The following TOMM20L variants were observed in gnomAD, a reference collection of about 807,000 sequenced individuals.
The protein encoded by TOMM20L is TOMM20-like protein 1.
Under a neutral mutation model 20.4 loss-of-function variants are expected in TOMM20L, and 19 were observed. The observed-to-expected ratio is 0.93, with a 90% confidence interval of 0.65 to 1.36. The LOEUF is 1.36. TOMM20L is among the 40% of genes most tolerant of loss of function. The pLI is 0.00. For synonymous variants in TOMM20L, 75 were observed against 79.6 expected, an observed-to-expected ratio of 0.94 and a Z score of 0.30; for missense variants, 218 against 203.7, an observed-to-expected ratio of 1.07 and a Z score of -0.43.
chr14:58,396,163 C>G (rs2035914131), intron 1 of TOMM20L, 70 bp downstream of exon 1: 3 of 1,323,056 alleles, frequency 2.3e-6, no homozygotes, highest in Non-Finnish European at 2.9e-6. Context: ...GGGAGGGCCC[C>G]CCACTGAGAG....
At chr14:58,408,448 T>C (rs953415188) in intron 4 of TOMM20L, 81 bp from the exon 5 acceptor site, 1 of 1,250,308 alleles carries the variant, frequency 8.0e-7, no homozygotes, top group Non-Finnish European at 1.1e-6. Context: ...GTATATGTAA[T>C]GCCCACCCTG....
downstream of TOMM20L, chr14:58,410,759 AG>A: frequency 1.1e-6 from 1 of 913,634 alleles, no homozygotes; most frequent in Non-Finnish European, 1.7e-6. Flanking sequence ...TGTAATAAGT[AG>A]GAACAAGTGA....
In TOMM20L at chr14:58,402,737, A is replaced by G; in HGVS notation, c.238A>G (p.Met80Val). 6.2e-7 allele frequency: 1 copy of G among 1,613,688 alleles called. No homozygotes were observed. The highest frequency in any genetic ancestry group is 8.5e-7 in the Non-Finnish European group (1 of 1,179,676). The change falls in exon 3 of 5, where the codon ATG becomes GTG. Residue 80 changes from methionine to valine, a missense_variant. Coordinates refer to ENST00000360945, the MANE Select transcript of TOMM20L (RefSeq NM_207377.3). Reference sequence around the variant, plus strand: ...AGAACTTTTCTTGCAAGAGGTACGGATGGGAGAACTTTGGTTATCTAGAGG... The same window carrying G: ...AGAACTTTTCTTGCAAGAGGTACGGGTGGGAGAACTTTGGTTATCTAGAGG... Reference protein sequence around the residue: ...LQELFLQEVRMGELWLSRGEH... With the variant: ...LQELFLQEVRVGELWLSRGEH...
downstream of TOMM20L, among the ~76,000 whole-genome samples, chr14:58,410,562 G>C (rs1423429654): frequency 6.6e-6 from 1 of 152,224 alleles, no homozygotes; most frequent in Non-Finnish European, 1.5e-5. Context: ...CATCTTGGCT[G>C]AAAGCTAATT....
downstream of TOMM20L, chr14:58,408,988 C>T (rs748474466): frequency 7.6e-6 from 12 of 1,587,576 alleles, no homozygotes; most frequent in East Asian, 2.7e-4. Context: ...TCCAATAAAG[C>T]AGCTGTTGGC....
chr14:58,414,751 AG>A, the TOMM20L span, among the ~76,000 whole-genome samples: 13 of 150,368 alleles, frequency 8.6e-5, no homozygotes, highest in African/African-American at 1.5e-4. Flanking sequence ...AAAAAAAAAA[AG>A]AAAAAAAAGA....
the TOMM20L span, among the ~76,000 whole-genome samples, chr14:58,414,008 G>GAAGAA: frequency 4.1e-5 from 1 of 24,172 alleles, no homozygotes; most frequent in Non-Finnish European, 6.4e-5. Context: ...TTCCGTCTCA[G>GAAGAA]AAAAAAAAAA....
the TOMM20L span, among the ~76,000 whole-genome samples, chr14:58,416,016 G>C: frequency 2.7e-5 from 4 of 148,872 alleles, no homozygotes; most frequent in African/African-American, 1.0e-4. Context: ...AGGAGTTCAT[G>C]ACCAGCCTGG....
intron 2 of TOMM20L, among the ~76,000 whole-genome samples, chr14:58,396,708 C>T (rs1272900357): frequency 1.3e-5 from 2 of 152,224 alleles, no homozygotes; most frequent in East Asian, 3.8e-4. Flanking sequence ...AGATTGTTCT[C>T]CCGCAGGGCC....
downstream of TOMM20L, chr14:58,409,311 AC>A: frequency 1.1e-6 from 1 of 883,734 alleles, no homozygotes; most frequent in Non-Finnish European, 1.7e-6. Flanking sequence ...GCAGCAACTG[AC>A]CATAGCTTTT....
intron 2 of TOMM20L, among the ~76,000 whole-genome samples, chr14:58,396,676 C>T (rs571169220): frequency 6.6e-6 from 1 of 152,230 alleles, no homozygotes; most frequent in Non-Finnish European, 1.5e-5. Context: ...AGGCTGGCCA[C>T]GGTCACATGG....
chr14:58,399,885 CATATATATAT>C lies in TOMM20L; in HGVS notation c.181-2760_181-2751del, dbSNP rs869260438. ...ATTCTTATTTTCAAATGCTCTATTG[CATATATATAT>C]ATATATATATATATATATATATATA... On this transcript the variant is annotated intron_variant, in intron 2 of 4. Coordinates refer to ENST00000360945, the MANE Select transcript of TOMM20L (RefSeq NM_207377.3). 3.3e-3 allele frequency among the ~76,000 whole-genome samples: 125 copies of C among 37,314 alleles called. 4 individuals carry two copies. The highest frequency in any genetic ancestry group is 0.022 in the East Asian group (21 of 966). 24.5% of individuals were successfully genotyped at this position (37,314 alleles called of 152,430 possible). A position where few individuals can be genotyped will look rare whatever the true frequency, so the allele number is the denominator to read the frequency against.
downstream of TOMM20L, chr14:58,410,937 A>G (rs1246281005): frequency 1.9e-6 from 3 of 1,607,740 alleles, no homozygotes; most frequent in Non-Finnish European, 2.6e-6. Context: ...AAATTCCTTA[A>G]ACTACAAACA....
chr14:58,414,510 G>C, the TOMM20L span, among the ~76,000 whole-genome samples: 3 of 152,054 alleles, frequency 2.0e-5, no homozygotes, highest in Non-Finnish European at 4.4e-5. Context: ...GGCTGAGGCA[G>C]GTGGATCACC....
chr14:58,404,099 G>GTGTGTGTGTATATATATATA (rs1408980666), intron 3 of TOMM20L, among the ~76,000 whole-genome samples: 2 of 22,942 alleles, frequency 8.7e-5, no homozygotes, highest in East Asian at 2.4e-3. Flanking sequence ...ACATATATAT[G>GTGTGTGTGTATATATATATA]TATATATATA....
chr14:58,413,171 C>T (rs1176736487), downstream of TOMM20L, among the ~76,000 whole-genome samples: 1 of 152,120 alleles, frequency 6.6e-6, no homozygotes, highest in Non-Finnish European at 1.5e-5. Flanking sequence ...TACACCACAT[C>T]TCAATTTGAA....
chr14:58,409,375 G>A (rs1595004941), downstream of TOMM20L, among the ~76,000 whole-genome samples: 2 of 152,228 alleles, frequency 1.3e-5, no homozygotes, highest in East Asian at 1.9e-4. Flanking sequence ...ATGCCTGCCA[G>A]TTTGTAGTCA....
intron 3 of TOMM20L, among the ~76,000 whole-genome samples, chr14:58,403,221 C>T (rs1325646560): frequency 1.3e-5 from 2 of 152,072 alleles, no homozygotes; most frequent in African/African-American, 4.8e-5. Flanking sequence ...AGTTGGGTAC[C>T]ATGGCATGTG....
At chr14:58,414,668 CG>C in the TOMM20L span, among the ~76,000 whole-genome samples, 1 of 139,310 alleles carries the variant, frequency 7.2e-6, no homozygotes, top group Non-Finnish European at 1.5e-5. Flanking sequence ...ACCCCTTGGG[CG>C]GAGGTTGCAG....
Sources: gnomAD v4.1 joint callset for allele counts (sites outside exome capture counted in the v4.1 genomes callset) on GRCh38, gnomAD v4.1.1 for gene constraint, MANE v1.5 for transcripts, NCBI Gene and HGNC (gene_info 2026-07-23, HGNC 2026-07-21) for gene names.